DYNC1I1: variants seen among roughly 807,000 people sequenced by gnomAD.
DYNC1I1 encodes the protein dynein cytoplasmic 1 intermediate chain 1, also known as cytoplasmic dynein 1 intermediate chain 1.
A neutral mutation model predicts 86.6 loss-of-function variants in DYNC1I1; 43 were observed. The observed-to-expected ratio is 0.50, with a 90% CI of 0.39 to 0.64. The LOEUF (loss-of-function observed/expected upper bound fraction) is 0.64, where lower values mean the gene tolerates loss of function less well. Ranked by LOEUF, DYNC1I1 falls within the 30% of genes least tolerant of loss-of-function variation. DYNC1I1 has a pLI of 0.00. For synonymous variants in DYNC1I1, 262 were observed against 283.7 expected (o/e 0.92, Z 0.77); for missense variants, 604 against 788.8 (o/e 0.77, Z 2.81).
At chr7:96,051,267 T>C (rs1789397395) in intron 14 of DYNC1I1, among the ~76,000 whole-genome samples, 1 of 152,218 alleles carries the variant, frequency 6.6e-6, no homozygotes, top group South Asian at 2.1e-4. Context: ...ATACTGTTCA[T>C]GTATTTGCCA....
chr7:96,021,011 A>T (rs1189968498), intron 10 of DYNC1I1, among the ~76,000 whole-genome samples: 2 of 151,848 alleles, frequency 1.3e-5, no homozygotes, highest in Non-Finnish European at 2.9e-5. Context: ...GGGATGGGGG[A>T]TGGGGGAGGA....
Position 96,098,232 on chromosome 7 carries a change from C to A in DYNC1I1, c.*639C>A, listed in dbSNP as rs1206181565. 5 of 985,754 alleles carry A rather than the reference C, an allele frequency of 5.1e-6. No homozygotes were observed. The African/African-American group carries it at 7.0e-5, about 14-fold the overall frequency. 61.1% of individuals were successfully genotyped at this position (985,754 alleles called of 1,614,324 possible). A position where few individuals can be genotyped will look rare whatever the true frequency, so the allele number is the denominator to read the frequency against. On this transcript the variant is annotated 3_prime_UTR_variant, in exon 17 of 17. Transcript: ENST00000447467. ...TAGCAATTACAGTATGCCAGTTCCA[C>A]TGAAGACATGAAATCTTTAGAGGTT...
intron 6 of DYNC1I1, among the ~76,000 whole-genome samples, chr7:95,881,904 A>G (rs1790464343): frequency 6.6e-6 from 1 of 152,224 alleles, no homozygotes; most frequent in African/African-American, 2.4e-5. Context: ...TTAAATGTGT[A>G]TGAGTTTATA....
In DYNC1I1 at chr7:95,874,890, A is replaced by C. The variant is rs371990004; in HGVS notation, c.490+4892A>C. ...GGCAGCCTGAGCAGACTAAGACAGC[A>C]GCTAACACAGCAAGATCATACCAGT... On this transcript the variant is annotated intron_variant, in intron 6 of 16. Coordinates refer to ENST00000447467, the MANE Select transcript of DYNC1I1 (RefSeq NM_001135556.2). 2.3e-4 allele frequency among the ~76,000 whole-genome samples: 35 copies of C among 152,368 alleles called. 2 individuals carry two copies. In the South Asian group the frequency reaches 5.2e-3, roughly 23 times the overall value.
chr7:96,085,574 T>C (rs1790653476), intron 16 of DYNC1I1, among the ~76,000 whole-genome samples: 1 of 152,194 alleles, frequency 6.6e-6, no homozygotes, highest in African/African-American at 2.4e-5. Flanking sequence ...TAGGGGTCTA[T>C]TTTCTTTGCA....
chr7:96,094,279 C>T (rs1464660434), intron 16 of DYNC1I1, among the ~76,000 whole-genome samples: 1 of 152,074 alleles, frequency 6.6e-6, no homozygotes, highest in African/African-American at 2.4e-5. Context: ...CAAGGTAGGA[C>T]ATGAGAGCAG....
intron 14 of DYNC1I1, among the ~76,000 whole-genome samples, chr7:96,046,940 T>C (rs1305870298): frequency 1.3e-5 from 2 of 152,138 alleles, no homozygotes; most frequent in African/African-American, 4.8e-5. Flanking sequence ...TTGAAGATAT[T>C]TGTCTTAGTC....
At chr7:95,964,362 C>CATGAGG (rs150798515) in intron 6 of DYNC1I1, among the ~76,000 whole-genome samples, 1 of 152,276 alleles carries the variant, frequency 6.6e-6, no homozygotes, top group Non-Finnish European at 1.5e-5. Context: ...TGGTGGTGGG[C>CATGAGG]ATGAGGCAGG....
chr7:95,980,878 G>A (rs906726398), intron 7 of DYNC1I1, among the ~76,000 whole-genome samples: 5 of 151,972 alleles, frequency 3.3e-5, no homozygotes, highest in South Asian at 2.1e-4. Context: ...TCACATTGAC[G>A]TCAAAGAAAG....
rs535671155 is a variant in DYNC1I1, at chr7:95,821,706, T to A, written c.315-6351T>A. On this transcript the variant is annotated intron_variant, in intron 4 of 16. Coordinates refer to ENST00000447467, the MANE Select transcript of DYNC1I1 (RefSeq NM_001135556.2). ...CATTTTTTGTTATTATTATTATTAT[T>A]ATTGACGCTGTTTTATTTTCATAGG... Among the ~76,000 whole-genome samples, 3 of 152,236 alleles carry A rather than the reference T, an allele frequency of 2.0e-5. No homozygotes were observed. In the East Asian group the frequency reaches 5.8e-4, roughly 29 times the overall value.
intron 10 of DYNC1I1, among the ~76,000 whole-genome samples, chr7:96,012,495 C>G (rs889152689): frequency 2.6e-5 from 4 of 152,072 alleles, no homozygotes; most frequent in Non-Finnish European, 4.4e-5. Context: ...TCAAATTAAC[C>G]TTTTTAGGAA....
chr7:95,997,028 T>C (rs552856054), intron 10 of DYNC1I1, among the ~76,000 whole-genome samples: 34 of 152,188 alleles, frequency 2.2e-4, no homozygotes, highest in Non-Finnish European at 4.1e-4. Flanking sequence ...CATTATCAGA[T>C]ATAATTTGGG....
chr7:95,872,173 G>C (rs181263506), intron 6 of DYNC1I1, among the ~76,000 whole-genome samples: 5 of 152,318 alleles, frequency 3.3e-5, no homozygotes, highest in Non-Finnish European at 7.4e-5. Context: ...CCATGCGGCA[G>C]ATGTGGGTTG....
At chr7:95,987,226 A>G (rs1384089171) in intron 9 of DYNC1I1, 71 bp downstream of exon 9, 2 of 1,371,904 alleles carry the variant, frequency 1.5e-6, no homozygotes, top group Non-Finnish European at 2.0e-6. Context: ...AAAATAAGAG[A>G]TTTGTTTACT....
At chr7:95,996,655 C>T (rs1016284553) in intron 10 of DYNC1I1, among the ~76,000 whole-genome samples, 2 of 152,272 alleles carry the variant, frequency 1.3e-5, no homozygotes, top group African/African-American at 2.4e-5. Context: ...TCTGCGGACA[C>T]GTCTTCTCTT....
chr7:95,866,634 G>A (rs1790024981), intron 5 of DYNC1I1, among the ~76,000 whole-genome samples: 1 of 152,166 alleles, frequency 6.6e-6, no homozygotes, highest in South Asian at 2.1e-4. Context: ...TAAGTCCCTG[G>A]TTACTAAAAC....
At chr7:95,793,559 A>G (rs1794363112) in intron 1 of DYNC1I1, among the ~76,000 whole-genome samples, 2 of 152,178 alleles carry the variant, frequency 1.3e-5, no homozygotes, top group Non-Finnish European at 2.9e-5. Flanking sequence ...CCAAAGAGCA[A>G]CAGCAGTTTA....
In DYNC1I1 at chr7:96,028,333, T is replaced by A; in HGVS notation, c.1116+12T>A. On this transcript the variant is annotated intron_variant, in intron 11 of 16. Coordinates refer to ENST00000447467, the MANE Select transcript of DYNC1I1 (RefSeq NM_001135556.2). Reference sequence around the variant, plus strand: ...CTGCTGCACACACGGTAATGCAAACTTTTGCCATATCCCTGTGAGCCGCCA... The same window carrying A: ...CTGCTGCACACACGGTAATGCAAACATTTGCCATATCCCTGTGAGCCGCCA... 2 of 1,587,152 alleles carry A rather than the reference T, an allele frequency of 1.3e-6. No homozygotes were observed. Among genetic ancestry groups the A allele is most frequent in the East Asian group, 4.5e-5 (2 of 44,180 alleles).
downstream of DYNC1I1, among the ~76,000 whole-genome samples, chr7:96,098,884 G>A (rs1286673466): frequency 1.3e-5 from 2 of 152,166 alleles, no homozygotes; most frequent in Non-Finnish European, 2.9e-5. Context: ...TTCGAAGACA[G>A]GCTTTCGGCT....
Sources: gnomAD v4.1 joint callset for allele counts (sites outside exome capture counted in the v4.1 genomes callset) on GRCh38, gnomAD v4.1.1 for gene constraint, MANE v1.5 for transcripts, NCBI Gene and HGNC (gene_info 2026-07-23, HGNC 2026-07-21) for gene names.